The following CAPG variants were observed in gnomAD, a reference collection of about 807,000 sequenced individuals.
CAPG encodes the protein capping actin protein, gelsolin like, also known as macrophage-capping protein.
A neutral mutation model predicts 44.6 loss-of-function variants in CAPG; 32 were observed. The ratio of observed to expected loss-of-function variants is 0.72; its 90% confidence interval spans 0.54 to 0.96. The LOEUF (loss-of-function observed/expected upper bound fraction) is 0.96, where lower values mean the gene tolerates loss of function less well. Ranked by LOEUF, CAPG falls within the 50% of genes least tolerant of loss-of-function variation. CAPG has a pLI of 0.00. For missense variants in CAPG, 412 were observed against 438.3 expected, an observed-to-expected ratio of 0.94 and a Z score of 0.54; for synonymous variants, 175 against 179.6, an observed-to-expected ratio of 0.97 and a Z score of 0.20.
chr2:85,393,040 C>T (rs1686442172), downstream of CAPG, among the ~76,000 whole-genome samples: 4 of 145,008 alleles, frequency 2.8e-5, no homozygotes, highest in South Asian at 8.7e-4. Context: ...ATGCAAAAAT[C>T]TTTTTTTTTT....
At chr2:85,401,110 G>T (rs887640698) in intron 5 of CAPG, 55 bp downstream of exon 5, 1 of 1,545,464 alleles carries the variant, frequency 6.5e-7, no homozygotes, top group Non-Finnish European at 8.9e-7. Context: ...CTGCCCCTCC[G>T]TCCTTATAAA....
chr2:85,398,720 C>CT lies in CAPG; in HGVS notation c.728dup (p.Ala244GlyfsTer10). 6.2e-7 allele frequency: 1 copy of CT among 1,606,944 alleles called. No homozygotes were observed. Among genetic ancestry groups the CT allele is most frequent in the Non-Finnish European group, 8.5e-7 (1 of 1,176,880 alleles). On this transcript the variant is annotated frameshift_variant, in exon 7 of 10. Coordinates refer to ENST00000263867, the MANE Select transcript of CAPG (RefSeq NM_001747.4). LOFTEE classifies it high-confidence loss of function. ...ACAGAGCTGCGGCCTGGGCATTTGCCTTGTCAGCTGTGAGGTCTTCCTCAG... is the reference window on the plus strand; with the variant it reads ...ACAGAGCTGCGGCCTGGGCATTTGCCTTTGTCAGCTGTGAGGTCTTCCTCAG...
intron 1 of CAPG, among the ~76,000 whole-genome samples, chr2:85,403,421 T>C (rs79652280): frequency 0.04 from 6,015 of 152,088 alleles, 308 homozygotes; most frequent in African/African-American, 0.11. Flanking sequence ...CTACCAAAAA[T>C]TTAAAAAGGA....
intron 8 of CAPG, among the ~76,000 whole-genome samples, chr2:85,397,132 A>C (rs1247005978): frequency 6.6e-6 from 1 of 152,218 alleles, no homozygotes; most frequent in Admixed American, 6.5e-5. Flanking sequence ...TTTGTCTAAA[A>C]TTCATTTCTG....
rs767893416 is a variant in CAPG at position 85,395,576 on chromosome 2, C to T, written c.943G>A (p.Gly315Ser). 1.2e-6 allele frequency: 2 copies of T among 1,613,960 alleles called. No homozygotes were observed. Among genetic ancestry groups the T allele is most frequent in the South Asian group, 1.1e-5 (1 of 91,058 alleles). ...GCGTACTGCATGCGCGAGATGAAGC[C>T]CTCGGCCACCTGCAGGGCTGCCTGC... The part of the protein sequence containing the change: ...ERQAALQVAE[G>S]FISRMQYAPN... Residue 315 changes from glycine (G) to serine (S), a missense_variant, in exon 9 of 10, where the codon GGC (glycine) becomes AGC (serine). Physicochemically the swap from Gly to Ser is moderately conservative, Grantham distance 56 (BLOSUM62 0). Coordinates refer to ENST00000263867, the MANE Select transcript of CAPG (RefSeq NM_001747.4). The surrounding 1 kb of genome is among the most constrained non-coding windows in gnomAD (Gnocchi z 4.3).
chr2:85,402,006 C>T (rs1366370614), intron 2 of CAPG, 49 bp from the exon 3 acceptor site: 1 of 1,611,346 alleles, frequency 6.2e-7, no homozygotes, highest in Non-Finnish European at 8.5e-7. Flanking sequence ...CTTGCCCAAG[C>T]ACAGCCCTGG....
chr2:85,417,510 T>G (rs1345537394), intron 1 of CAPG, among the ~76,000 whole-genome samples: 1 of 138,236 alleles, frequency 7.2e-6, no homozygotes, highest in East Asian at 2.1e-4. Context: ...TGAGACAGAG[T>G]CTGGCTCTGT....
chr2:85,414,340 C>T (rs1166805076), upstream of CAPG, among the ~76,000 whole-genome samples: 2 of 152,108 alleles, frequency 1.3e-5, no homozygotes, highest in African/African-American at 2.4e-5. Context: ...TATCATTATT[C>T]CTGCTGGAAA....
Position 85,401,603 on chromosome 2 carries a change from C to A in CAPG, c.277G>T (p.Val93Leu). Reference sequence around the variant, plus strand: ...TTGCCCTGCACCTCGCGGTGCTGCACAGGCCGCTCTCCCAGCAGCGTGTTG... The same window carrying A: ...TTGCCCTGCACCTCGCGGTGCTGCAAAGGCCGCTCTCCCAGCAGCGTGTTG... ...HLNTLLGERP[V>L]QHREVQGNES... The change falls in exon 4 of 10, where the codon GTG becomes TTG. Residue 93 changes from valine (V) to leucine (L), a missense_variant. Coordinates refer to ENST00000263867, the MANE Select transcript of CAPG (RefSeq NM_001747.4). 6.2e-7 allele frequency: 1 copy of A among 1,614,160 alleles called. No individual in the cohort carries two copies. The highest frequency in any genetic ancestry group is 8.5e-7 in the Non-Finnish European group (1 of 1,179,982).
At chr2:85,400,579 G>A (rs939546378) in intron 5 of CAPG, among the ~76,000 whole-genome samples, 2 of 152,130 alleles carry the variant, frequency 1.3e-5, no homozygotes, top group Non-Finnish European at 2.9e-5. Flanking sequence ...GTGTGTGCAT[G>A]TCTGCACCCT....
At chr2:85,416,595 T>A (rs181486542) in intron 1 of CAPG, among the ~76,000 whole-genome samples, 8,995 of 152,208 alleles carry the variant, frequency 0.059, 387 homozygotes, top group Middle Eastern at 0.085. Context: ...CACTGCAACC[T>A]TCCCCCCCGC....
rs779509921 is a variant in CAPG, at chr2:85,395,540, G to A, written c.979C>T (p.Gln327Ter). The A allele has an allele frequency of 2.5e-6, 4 of 1,612,842 alleles. No individual in the cohort carries two copies. The highest frequency in any genetic ancestry group is 4.5e-5 in the East Asian group (2 of 44,866). The change falls in exon 9 of 10, where the codon CAG (glutamine) becomes TAG (stop). Residue 327 changes from glutamine (Q) to a stop codon, truncating the protein, a stop_gained and splice_region_variant. Coordinates refer to ENST00000263867, the MANE Select transcript of CAPG (RefSeq NM_001747.4). LOFTEE classifies it high-confidence loss of function. The surrounding 1 kb of genome is among the most constrained non-coding windows in gnomAD (Gnocchi z 4.3). ...ISRMQYAPNT[Q>*]VEILPQGHES... ...TGTGGTTGTGCGCATCTCCTCACCT[G>A]AGTGTTCGGGGCGTACTGCATGCGC... is the stretch of plus-strand genomic sequence containing the variant.
Position 85,399,231 on chromosome 2 carries a change from T to A in CAPG, c.571A>T (p.Arg191Trp). 1 of 1,614,248 alleles carries A rather than the reference T, an allele frequency of 6.2e-7. No homozygotes were observed. Among genetic ancestry groups the A allele is most frequent in the Middle Eastern group, 1.6e-4 (1 of 6,062 alleles). ...KSNILERNKARDLALAIRDSE... is the reference protein window; with the variant it reads ...KSNILERNKAWDLALAIRDSE... ...TCCCGGATGGCCAGGGCCAGGTCCC[T>A]CGCCTTGTTGCGTTCCAGGATGTTG... is the stretch of plus-strand genomic sequence containing the variant. The change falls in exon 6 of 10, where the codon AGG becomes TGG. Residue 191 changes from arginine (R) to tryptophan (W), a missense_variant. Physicochemically the swap from Arg to Trp is moderately radical, Grantham distance 101. Transcript: ENST00000263867.
upstream of CAPG, among the ~76,000 whole-genome samples, chr2:85,411,348 C>T (rs1347014023): frequency 6.6e-6 from 1 of 152,224 alleles, no homozygotes; most frequent in African/African-American, 2.4e-5. Context: ...ACTATCCTGC[C>T]TACATCACAG....
At chr2:85,407,093 C>T (rs183746064) in intron 1 of CAPG, among the ~76,000 whole-genome samples, 2 of 152,034 alleles carry the variant, frequency 1.3e-5, no homozygotes, top group East Asian at 4.0e-4. Flanking sequence ...CCACATCTGG[C>T]TAATTTTTTG....
At position 85,394,850 on chromosome 2, in the gene CAPG, G is replaced by C. The variant is rs745328283; in HGVS notation, c.*43C>G. 1 of 1,426,246 alleles carries C rather than the reference G, an allele frequency of 7.0e-7. No individual in the cohort carries two copies. The highest frequency in any genetic ancestry group is 9.9e-7 in the Non-Finnish European group (1 of 1,008,320). The allele number at this position is 1,426,246 out of a possible 1,614,324, so 88.3% of individuals were successfully genotyped here. A position where few individuals can be genotyped will look rare whatever the true frequency, so the allele number is the denominator to read the frequency against. ...GGCAGCCAGAGAAGCAAGCAGGCAG[G>C]TGGTGGGGGGCAGGGGAGCATGGGG... On this transcript the variant is annotated 3_prime_UTR_variant, in exon 10 of 10. Transcript: ENST00000263867.
chr2:85,413,609 A>G (rs1687479323), upstream of CAPG, among the ~76,000 whole-genome samples: 3 of 152,068 alleles, frequency 2.0e-5, no homozygotes, highest in African/African-American at 7.3e-5. Context: ...ACAGCGAAAC[A>G]AAAGGGCCGG....
intron 6 of CAPG, 83 bp from the exon 7 acceptor site, chr2:85,398,865 T>C: frequency 8.7e-7 from 1 of 1,149,638 alleles, no homozygotes; most frequent in Non-Finnish European, 1.2e-6. Context: ...CCACTGCTTC[T>C]GGTGGGGCAA....
chr2:85,398,826 TG>T, intron 6 of CAPG, 44 bp from the exon 7 acceptor site: 2 of 1,436,476 alleles, frequency 1.4e-6, no homozygotes, highest in South Asian at 2.5e-5. Flanking sequence ...ACCCCTGCCC[TG>T]GAACTTCCCA....
Sources: gnomAD v4.1 joint callset for allele counts (sites outside exome capture counted in the v4.1 genomes callset) on GRCh38, gnomAD v4.1.1 for gene constraint, Gnocchi (gnomAD v3.1) non-coding constraint, MANE v1.5 for transcripts, NCBI Gene and HGNC (gene_info 2026-07-23, HGNC 2026-07-21) for gene names.